BRINP3: variants seen among roughly 807,000 people sequenced by gnomAD.
BRINP3 encodes the protein BMP/retinoic acid-inducible neural-specific protein 3.
A neutral mutation model predicts 71.0 loss-of-function variants in BRINP3; 19 were observed. That is an observed-to-expected ratio of 0.27 (90% CI 0.19 to 0.39). The LOEUF (loss-of-function observed/expected upper bound fraction) is 0.39, where lower values mean the gene tolerates loss of function less well. Ranked by LOEUF, BRINP3 falls within the 10% of genes least tolerant of loss-of-function variation. BRINP3 has a pLI of 1.00. For synonymous variants in BRINP3, 380 were observed against 337.7 expected (o/e 1.13, Z -1.37); for missense variants, 959 against 940.8 (o/e 1.02, Z -0.25).
intron 2 of BRINP3, among the ~76,000 whole-genome samples, chr1:190,425,908 G>T (rs770531909): frequency 6.6e-6 from 1 of 151,632 alleles, no homozygotes; most frequent in Non-Finnish European, 1.5e-5. Flanking sequence ...CAATAAATCT[G>T]ACTCTCATGA....
chr1:190,428,149 G>A (rs547611767), intron 2 of BRINP3, among the ~76,000 whole-genome samples: 1 of 151,666 alleles, frequency 6.6e-6, no homozygotes, highest in African/African-American at 2.4e-5. Flanking sequence ...TTTTGGTTAT[G>A]AGATATTGGC....
intron 7 of BRINP3, among the ~76,000 whole-genome samples, chr1:190,158,358 C>T (rs1203409939): frequency 2.0e-5 from 3 of 152,146 alleles, no homozygotes; most frequent in African/African-American, 7.2e-5. Context: ...TCTTCCCAGT[C>T]TCAAATATGT....
intron 2 of BRINP3, among the ~76,000 whole-genome samples, chr1:190,418,353 TA>T (rs1291627195): frequency 6.6e-6 from 1 of 152,146 alleles, no homozygotes; most frequent in Non-Finnish European, 1.5e-5. Flanking sequence ...CCAGCCTTCT[TA>T]TTCTTTTTAT....
rs531556802 is a variant in BRINP3 at position 190,383,982 on chromosome 1, A to C, written c.236+70673T>G. On this transcript the variant is annotated intron_variant, in intron 2 of 7. Transcript: ENST00000367462. ...GTTATTATAGTTATCCCAGTTTTAC[A>C]GATGAAAACATTGAGACACAGAGAA... is the stretch of plus-strand genomic sequence containing the variant. Among the ~76,000 whole-genome samples the C allele has an allele frequency of 9.2e-5, 14 of 152,072 alleles. No individual in the cohort carries two copies. The East Asian group carries it at 1.7e-3, about 19-fold the overall frequency.
chr1:190,224,134 A>C (rs1429352886), intron 6 of BRINP3, among the ~76,000 whole-genome samples: 1 of 151,848 alleles, frequency 6.6e-6, no homozygotes, highest in Non-Finnish European at 1.5e-5. Flanking sequence ...ATAGAAAAAA[A>C]AAATTATAAA....
At chr1:190,322,476 C>T (rs915392031) in intron 2 of BRINP3, among the ~76,000 whole-genome samples, 13 of 151,880 alleles carry the variant, frequency 8.6e-5, no homozygotes, top group Non-Finnish European at 1.2e-4. Context: ...CCATGGATTG[C>T]GTATACACAT....
intron 2 of BRINP3, among the ~76,000 whole-genome samples, chr1:190,386,753 G>T (rs1670937445): frequency 6.6e-6 from 1 of 151,710 alleles, no homozygotes; most frequent in Non-Finnish European, 1.5e-5. Flanking sequence ...ATAAAAATGT[G>T]AATAATATAT....
chr1:190,245,567 A>T (rs1659516527), intron 4 of BRINP3, among the ~76,000 whole-genome samples: 1 of 152,042 alleles, frequency 6.6e-6, no homozygotes, highest in South Asian at 2.1e-4. Context: ...CTTAAAAAAT[A>T]ACAAAAATGG....
intron 7 of BRINP3, among the ~76,000 whole-genome samples, chr1:190,153,803 G>T (rs1656628617): frequency 6.6e-6 from 1 of 152,164 alleles, no homozygotes. Context: ...CAAGGCCACA[G>T]TGAGCTATGA....
At chr1:190,267,404 A>T (rs1304018856) in intron 3 of BRINP3, among the ~76,000 whole-genome samples, 5 of 152,100 alleles carry the variant, frequency 3.3e-5, no homozygotes, top group African/African-American at 4.8e-5. Flanking sequence ...TGATAGGCTA[A>T]CTTAAGGCAA....
chr1:190,103,080 G>A lies in BRINP3; in HGVS notation c.1185-3946C>T, dbSNP rs148814117. On this transcript the variant is annotated intron_variant, in intron 7 of 7. Coordinates refer to ENST00000367462, the MANE Select transcript of BRINP3 (RefSeq NM_199051.3). Reference sequence around the variant, plus strand: ...TACACATTATACATGTGTCAAAAGAGGACTAGAGTAGGAGTGTGAATATCT... The same window carrying A: ...TACACATTATACATGTGTCAAAAGAAGACTAGAGTAGGAGTGTGAATATCT... 1.7e-3 allele frequency among the ~76,000 whole-genome samples: 255 copies of A among 152,160 alleles called. 2 individuals are homozygous for A. The highest frequency in any genetic ancestry group is 3.0e-3 in the Non-Finnish European group (204 of 67,950).
chr1:190,383,096 A>G (rs567792301), intron 2 of BRINP3, among the ~76,000 whole-genome samples: 1 of 151,898 alleles, frequency 6.6e-6, no homozygotes, highest in Non-Finnish European at 1.5e-5. Context: ...TTCCTGATAT[A>G]TTTTTTTTCC....
intron 7 of BRINP3, among the ~76,000 whole-genome samples, chr1:190,137,767 T>C (rs1655095765): frequency 6.6e-6 from 1 of 152,070 alleles, no homozygotes; most frequent in African/African-American, 2.4e-5. Context: ...TGATATTAGA[T>C]AAGTAAGAAA....
intron 2 of BRINP3, among the ~76,000 whole-genome samples, chr1:190,301,414 C>T (rs1393809722): frequency 6.6e-6 from 1 of 150,460 alleles, no homozygotes; most frequent in Admixed American, 6.6e-5. Flanking sequence ...ATTTTCACTT[C>T]ACCTGTCAAA....
At chr1:190,283,494 T>C (rs556288074) in intron 2 of BRINP3, among the ~76,000 whole-genome samples, 40 of 151,958 alleles carry the variant, frequency 2.6e-4, no homozygotes, top group African/African-American at 8.9e-4. Context: ...GAATTTATTA[T>C]AATGTTCCCT....
intron 6 of BRINP3, among the ~76,000 whole-genome samples, chr1:190,186,914 T>G (rs1026925131): frequency 2.4e-4 from 37 of 152,272 alleles, no homozygotes; most frequent in African/African-American, 8.9e-4. Flanking sequence ...ACTTCCTAGA[T>G]GAGTCTGGTT....
Position 190,357,545 on chromosome 1 carries a change from A to C in BRINP3, c.237-75795T>G, listed in dbSNP as rs114454193. Among the ~76,000 whole-genome samples the C allele has an allele frequency of 8.9e-3, 1,353 of 152,104 alleles. 31 individuals are homozygous for C. Among genetic ancestry groups the C allele is most frequent in the African/African-American group, 0.03 (1,240 of 41,448 alleles). On this transcript the variant is annotated intron_variant, in intron 2 of 7. Coordinates refer to ENST00000367462, the MANE Select transcript of BRINP3 (RefSeq NM_199051.3). ...ATCCAAATACAAGAGCTTTTTGTGTAGTAAAGAATTTAACTTGGGCCTGTA... is the reference window on the plus strand; with the variant it reads ...ATCCAAATACAAGAGCTTTTTGTGTCGTAAAGAATTTAACTTGGGCCTGTA...
chr1:190,445,347 G>T lies in BRINP3; in HGVS notation c.236+9308C>A, dbSNP rs553075325. ...CACAAGTGCTTATTAAAATGAAAGA[G>T]ATAATATTATAACTTAATATTAGGA... On this transcript the variant is annotated intron_variant, in intron 2 of 7. Transcript: ENST00000367462. 5.3e-5 allele frequency among the ~76,000 whole-genome samples: 8 copies of T among 152,110 alleles called. No individual in the cohort carries two copies. The South Asian group carries it at 1.7e-3, about 32-fold the overall frequency.
At chr1:190,331,012 T>A (rs558069119) in intron 2 of BRINP3, among the ~76,000 whole-genome samples, 9 of 151,906 alleles carry the variant, frequency 5.9e-5, no homozygotes, top group African/African-American at 2.2e-4. Context: ...AAAATCCATA[T>A]ATTGATCACT....
Sources: allele counts gnomAD v4.1 joint callset (sites outside exome capture counted in the v4.1 genomes callset), GRCh38; gene constraint gnomAD v4.1.1; transcripts MANE v1.5; gene names NCBI Gene and HGNC (gene_info 2026-07-23, HGNC 2026-07-21).